Variants in RAD51C observed in about 807,000 individuals in gnomAD.
RAD51C encodes the protein RAD51 paralog C.
In RAD51C, 42 loss-of-function variants were observed where a neutral mutation model predicts 45.0. That is an observed-to-expected ratio of 0.93 (90% CI 0.73 to 1.21). RAD51C has a LOEUF of 1.21. RAD51C is among the 50% of genes most tolerant of loss of function. The probability of loss-of-function intolerance (pLI) is 0.00; values close to 1 mark genes in which losing one functional copy is unlikely to be tolerated. For missense variants in RAD51C, 474 were observed against 452.2 expected, an observed-to-expected ratio of 1.05 and a Z score of -0.44; for synonymous variants, 172 against 159.8, an observed-to-expected ratio of 1.08 and a Z score of -0.58.
At chr17:58,729,393 A>G (rs2049315063) in intron 7 of RAD51C, among the ~76,000 whole-genome samples, 1 of 148,030 alleles carries the variant, frequency 6.8e-6, no homozygotes, top group Admixed American at 6.8e-5. Context: ...AATTTTTTGT[A>G]TTTTTAGTTG....
intron 7 of RAD51C, among the ~76,000 whole-genome samples, chr17:58,727,386 A>G (rs549428534): frequency 6.6e-6 from 1 of 151,988 alleles, no homozygotes; most frequent in Non-Finnish European, 1.5e-5. Context: ...AGCCTCTCAA[A>G]GTGCTGGGAT....
At chr17:58,707,081 C>G (rs958176126) in intron 4 of RAD51C, among the ~76,000 whole-genome samples, 3 of 152,178 alleles carry the variant, frequency 2.0e-5, no homozygotes, top group African/African-American at 7.2e-5. Flanking sequence ...GCTTAGAAAT[C>G]TCCTGAGATA....
chr17:58,732,556 T>C lies in RAD51C; in HGVS notation c.1026+12T>C. The C allele has an allele frequency of 6.2e-7, 1 of 1,607,150 alleles. No homozygotes were observed. Among genetic ancestry groups the C allele is most frequent in the Non-Finnish European group, 8.5e-7 (1 of 1,173,796 alleles). On this transcript the variant is annotated intron_variant, in intron 8 of 8. Transcript: ENST00000337432. ...TGTTTCAAATCAAAGTCAGTATTATTTGATTAGAGTGGGATTTTGATATTG... is the reference window on the plus strand; with the variant it reads ...TGTTTCAAATCAAAGTCAGTATTATCTGATTAGAGTGGGATTTTGATATTG...
At chr17:58,710,964 C>G (rs2048538032) in intron 5 of RAD51C, among the ~76,000 whole-genome samples, 1 of 152,118 alleles carries the variant, frequency 6.6e-6, no homozygotes, top group Admixed American at 6.5e-5. Context: ...GAGACCTTAG[C>G]ACATACCTGT....
At chr17:58,706,447 TA>T (rs1567796914) in intron 4 of RAD51C, 3 of 353,026 alleles carry the variant, frequency 8.5e-6, no homozygotes, top group South Asian at 2.3e-5. Context: ...TAATAATAAT[TA>T]AAAAAAGAAT....
intron 5 of RAD51C, among the ~76,000 whole-genome samples, chr17:58,720,239 C>T (rs1428691024): frequency 6.7e-6 from 1 of 150,094 alleles, no homozygotes; most frequent in Non-Finnish European, 1.5e-5. Flanking sequence ...CGGTGAAACC[C>T]CGTCTCTACT....
rs181256289 is a variant in RAD51C at position 58,727,042 on chromosome 17, G to A, written c.965+2942G>A. Among the ~76,000 whole-genome samples the A allele has an allele frequency of 1.1e-3, 168 of 151,406 alleles. 1 individual carries two copies. Among genetic ancestry groups the A allele is most frequent in the African/African-American group, 3.8e-3 (157 of 41,242 alleles). On this transcript the variant is annotated intron_variant, in intron 7 of 8. Coordinates refer to ENST00000337432, the MANE Select transcript of RAD51C (RefSeq NM_058216.3). ...TCACCGTGTTAGCCAGGATGGTCTC[G>A]ATCTTCTGACCTCGTGATCCACCCG...
At chr17:58,708,053 C>T (rs191754896) in intron 4 of RAD51C, among the ~76,000 whole-genome samples, 17 of 152,206 alleles carry the variant, frequency 1.1e-4, no homozygotes, top group Admixed American at 9.2e-4. Context: ...CTTCAATTTA[C>T]GAATATTGGG....
rs1436032912 is a variant in RAD51C at position 58,716,449 on chromosome 17, A to C, written c.838-4297A>C. On this transcript the variant is annotated intron_variant, in intron 5 of 8. Coordinates refer to ENST00000337432, the MANE Select transcript of RAD51C (RefSeq NM_058216.3). The stretch of plus-strand genomic sequence containing the variant: ...ATACTACTGAGCTACTGAATTTATG[A>C]TTTTAATTTAACTTTTTTATTTATT... Among the ~76,000 whole-genome samples, 4 of 152,158 alleles carry C rather than the reference A, an allele frequency of 2.6e-5. No homozygotes were observed. The East Asian group carries it at 7.7e-4, about 29-fold the overall frequency.
intron 5 of RAD51C, among the ~76,000 whole-genome samples, chr17:58,713,766 C>G (rs2048636735): frequency 6.6e-6 from 1 of 152,108 alleles, no homozygotes; most frequent in African/African-American, 2.4e-5. Context: ...CAAGATCACA[C>G]TGTTGCACTC....
At chr17:58,718,051 C>T (rs2048798677) in intron 5 of RAD51C, among the ~76,000 whole-genome samples, 1 of 152,052 alleles carries the variant, frequency 6.6e-6, no homozygotes, top group Admixed American at 6.6e-5. Context: ...GGCTGGAGCG[C>T]AATGGTGCAA....
chr17:58,734,202 G>A lies in RAD51C; in HGVS notation c.1111G>A (p.Asp371Asn), dbSNP rs2144062780. The A allele has an allele frequency of 6.2e-7, 1 of 1,612,394 alleles. No homozygotes were observed. The highest frequency in any genetic ancestry group is 8.5e-7 in the Non-Finnish European group (1 of 1,179,058). The change falls in exon 9 of 9, where the codon GAC (aspartate) becomes AAC (asparagine). Residue 371 changes from aspartate (D) to asparagine (N), a missense_variant. By Grantham distance (23) the Asp-to-Asn change is conservative. Coordinates refer to ENST00000337432, the MANE Select transcript of RAD51C (RefSeq NM_058216.3). ...CTTGAGCACCCGGAAACGGTCACGA[G>A]ACCCAGAGGAAGAATTATAACCCAG... ...GSLSTRKRSR[D>N]PEEEL
chr17:58,701,456 T>G (rs1256382148), intron 3 of RAD51C, among the ~76,000 whole-genome samples: 1 of 150,402 alleles, frequency 6.6e-6, no homozygotes, highest in Non-Finnish European at 1.5e-5. Context: ...TGCAGTGAGC[T>G]GAGATCACGG....
chr17:58,731,643 C>A (rs1178687381), intron 7 of RAD51C, among the ~76,000 whole-genome samples: 5 of 152,168 alleles, frequency 3.3e-5, no homozygotes, highest in African/African-American at 1.2e-4. Flanking sequence ...AAATTTATTT[C>A]TCAGCTACTT....
At chr17:58,721,257 G>T (rs1047240572) in intron 6 of RAD51C, among the ~76,000 whole-genome samples, 2 of 152,126 alleles carry the variant, frequency 1.3e-5, no homozygotes, top group Non-Finnish European at 2.9e-5. Flanking sequence ...ACTCCAGCCT[G>T]GGGGACAGAG....
At chr17:58,692,977 C>T in intron 1 of RAD51C, 189 bp downstream of exon 1, 1 of 784,294 alleles carries the variant, frequency 1.3e-6, no homozygotes, top group Non-Finnish European at 2.0e-6. Context: ...GAACTGTGGT[C>T]GTGAAAACAT....
At chr17:58,693,552 C>G (rs527543012) in intron 1 of RAD51C, 1 of 152,250 alleles carries the variant, frequency 6.6e-6, no homozygotes, top group African/African-American at 2.4e-5. Flanking sequence ...TCTCGTGGAC[C>G]CAGCCTTAAC....
At chr17:58,730,828 A>AT (rs1249058171) in intron 7 of RAD51C, among the ~76,000 whole-genome samples, 6 of 152,128 alleles carry the variant, frequency 3.9e-5, no homozygotes, top group African/African-American at 1.2e-4. Flanking sequence ...TTATGTTTAC[A>AT]TATAGTTCAC....
At chr17:58,727,569 T>A (rs933682721) in intron 7 of RAD51C, among the ~76,000 whole-genome samples, 4 of 152,306 alleles carry the variant, frequency 2.6e-5, no homozygotes, top group Admixed American at 1.3e-4. Flanking sequence ...AAACTTTTTT[T>A]TTTCGGGCTG....
Sources: gnomAD v4.1 joint callset for allele counts (sites outside exome capture counted in the v4.1 genomes callset) on GRCh38, gnomAD v4.1.1 for gene constraint, MANE v1.5 for transcripts, NCBI Gene and HGNC (gene_info 2026-07-23, HGNC 2026-07-21) for gene names.